The following EGLN1 variants were observed in gnomAD, a reference collection of about 807,000 sequenced individuals.
EGLN1 encodes egl-9 family hypoxia inducible factor 1.
A neutral mutation model predicts 38.3 loss-of-function variants in EGLN1; 17 were observed. That is an observed-to-expected ratio of 0.44 (90% confidence interval 0.30 to 0.67). EGLN1 has a LOEUF of 0.67. Ranked by LOEUF, EGLN1 falls within the 30% of genes least tolerant of loss-of-function variation. The pLI is 0.08. For missense variants in EGLN1, 477 were observed against 603.3 expected (o/e 0.79, Z 2.19); for synonymous variants, 283 against 257.5 (o/e 1.10, Z -0.95).
intron 1 of EGLN1, among the ~76,000 whole-genome samples, chr1:231,390,293 A>G (rs955876744): frequency 2.0e-5 from 3 of 152,164 alleles, no homozygotes; most frequent in Non-Finnish European, 4.4e-5. Context: ...ATCACTATCT[A>G]CCTCACAGGG....
rs970505475 is a variant in EGLN1 at position 231,393,921 on chromosome 1, A to G, written c.892-19822T>C. 5.0e-4 allele frequency among the ~76,000 whole-genome samples: 76 copies of G among 152,338 alleles called. 1 individual carries two copies. Among genetic ancestry groups the G allele is most frequent in the East Asian group, 1.5e-3 (8 of 5,186 alleles). Reference sequence around the variant, plus strand: ...CTAATCAGTCACAAAGCCCTGTTAAATATCTGCAGCCTGACAGGAAAGAAT... The same window carrying G: ...CTAATCAGTCACAAAGCCCTGTTAAGTATCTGCAGCCTGACAGGAAAGAAT... On this transcript the variant is annotated intron_variant, in intron 1 of 4. Coordinates refer to ENST00000366641, the MANE Select transcript of EGLN1 (RefSeq NM_022051.3).
intron 3 of EGLN1, among the ~76,000 whole-genome samples, chr1:231,369,066 G>A (rs1339377798): frequency 6.6e-6 from 1 of 152,040 alleles, no homozygotes; most frequent in Non-Finnish European, 1.5e-5. Context: ...TAACTTTCCA[G>A]CCTTATCACC....
chr1:231,393,356 G>A (rs961015885), intron 1 of EGLN1, among the ~76,000 whole-genome samples: 2 of 152,018 alleles, frequency 1.3e-5, no homozygotes, highest in Non-Finnish European at 2.9e-5. Flanking sequence ...TCAATCAAGA[G>A]CCAGAAGCTG....
At position 231,421,687 on chromosome 1, in the gene EGLN1, C is replaced by T; in HGVS notation, c.202G>A (p.Gly68Arg). 2 of 1,509,018 alleles carry T rather than the reference C, an allele frequency of 1.3e-6. No homozygotes were observed. The highest frequency in any genetic ancestry group is 1.8e-6 in the Non-Finnish European group (2 of 1,134,562). 93.5% of individuals were successfully genotyped at this position (1,509,018 alleles called of 1,614,324 possible). Residue 68 changes from glycine (G) to arginine (R), a missense_variant, in exon 1 of 5, where the codon GGA becomes AGA. Physicochemically the swap from Gly to Arg is moderately radical, Grantham distance 125 (BLOSUM62 -2). Transcript: ENST00000366641. The surrounding 1 kb of genome is among the most constrained non-coding windows in gnomAD (Gnocchi z 5.5). Reference protein sequence around the residue: ...CQGSEGALGHGVGPHQHSGPA... With the variant: ...CQGSEGALGHRVGPHQHSGPA... The stretch of plus-strand genomic sequence containing the variant: ...CCGGAATGCTGGTGTGGGCCCACTC[C>T]GTGGCCGAGGGCGCCCTCGCTGCCC...
At chr1:231,405,814 T>G (rs1688775137) in intron 1 of EGLN1, among the ~76,000 whole-genome samples, 1 of 152,068 alleles carries the variant, frequency 6.6e-6, no homozygotes, top group Non-Finnish European at 1.5e-5. Context: ...CAAAGCATAG[T>G]TCCTGAAAAT....
rs1687599387 is a variant in EGLN1, at chr1:231,364,878, G to A, written c.*1533C>T. On this transcript the variant is annotated 3_prime_UTR_variant, in exon 5 of 5. Coordinates refer to ENST00000366641, the MANE Select transcript of EGLN1 (RefSeq NM_022051.3). ...GTTTTGCTAAAAAGCCTAGGAAAGT[G>A]AAGTCTAAGACATCCGTCCCAATTC... The A allele has an allele frequency of 6.6e-6, 1 of 152,208 alleles. No homozygotes were observed. The highest frequency in any genetic ancestry group is 1.5e-5 in the Non-Finnish European group (1 of 68,036). The allele number at this position is 152,208 out of a possible 1,614,324, so 9.4% of individuals were successfully genotyped here. A position where few individuals can be genotyped will look rare whatever the true frequency, so the allele number is the denominator to read the frequency against.
At chr1:231,393,693 T>C (rs1431097276) in intron 1 of EGLN1, among the ~76,000 whole-genome samples, 1 of 152,146 alleles carries the variant, frequency 6.6e-6, no homozygotes, top group Non-Finnish European at 1.5e-5. Flanking sequence ...TTTACCTACA[T>C]ACTCTCCTAT....
At chr1:231,371,264 T>A (rs1687815401) in intron 2 of EGLN1, among the ~76,000 whole-genome samples, 1 of 152,238 alleles carries the variant, frequency 6.6e-6, no homozygotes, top group Non-Finnish European at 1.5e-5. Flanking sequence ...AAATGATGCT[T>A]GAAAGCTTTT....
chr1:231,391,309 T>TGCTTCTG (rs1169023749), intron 1 of EGLN1, among the ~76,000 whole-genome samples: 5 of 152,170 alleles, frequency 3.3e-5, no homozygotes, highest in Middle Eastern at 6.8e-3. Context: ...GCTCTAAGAC[T>TGCTTCTG]ATACATCCAT....
chr1:231,419,005 T>C (rs956531398), intron 1 of EGLN1, among the ~76,000 whole-genome samples: 5 of 152,242 alleles, frequency 3.3e-5, no homozygotes, highest in African/African-American at 4.8e-5. Context: ...CCTTGTTTTT[T>C]AGGAATAAAT....
intron 1 of EGLN1, among the ~76,000 whole-genome samples, chr1:231,419,981 G>C (rs1397834476): frequency 6.6e-6 from 1 of 152,186 alleles, no homozygotes; most frequent in East Asian, 1.9e-4. Context: ...GTGGAGGAGG[G>C]TGGCCTGGGA....
Position 231,421,691 on chromosome 1 carries a change from G to A in EGLN1, c.198C>T (p.Gly66=). The change falls in exon 1 of 5, where the codon GGC becomes GGT. Residue 66 remains glycine, a synonymous_variant. Coordinates refer to ENST00000366641, the MANE Select transcript of EGLN1 (RefSeq NM_022051.3). The surrounding 1 kb of genome is among the most constrained non-coding windows in gnomAD (Gnocchi z 5.5). ...AATGCTGGTGTGGGCCCACTCCGTG[G>A]CCGAGGGCGCCCTCGCTGCCCTGGC... The part of the protein sequence containing the change: ...LVCQGSEGAL[G]HGVGPHQHSG... The A allele has an allele frequency of 6.6e-7, 1 of 1,510,454 alleles. No homozygotes were observed. The highest frequency in any genetic ancestry group is 8.8e-7 in the Non-Finnish European group (1 of 1,135,278). 93.6% of individuals were successfully genotyped at this position (1,510,454 alleles called of 1,614,324 possible). A position where few individuals can be genotyped will look rare whatever the true frequency, so the allele number is the denominator to read the frequency against.
At chr1:231,405,021 G>C (rs1688751408) in intron 1 of EGLN1, among the ~76,000 whole-genome samples, 1 of 152,030 alleles carries the variant, frequency 6.6e-6, no homozygotes, top group Admixed American at 6.5e-5. Context: ...TGACATCCCA[G>C]TAAAACCAAG....
chr1:231,422,208 G>C lies in EGLN1; in HGVS notation c.-320C>G. On this transcript the variant is annotated 5_prime_UTR_variant, in exon 1 of 5. Transcript: ENST00000366641. ...GAGCGCAAGACCGGCCCCCTCGGCC[G>C]CCGCCGCCGCCTCAGCGTCCCGGGC... 5.2e-6 allele frequency: 1 copy of C among 193,570 alleles called. No homozygotes were observed. The highest frequency in any genetic ancestry group is 1.0e-5 in the Non-Finnish European group (1 of 96,476). 12.0% of individuals were successfully genotyped at this position (193,570 alleles called of 1,614,324 possible).
At chr1:231,397,977 C>T (rs1489616177) in intron 1 of EGLN1, among the ~76,000 whole-genome samples, 1 of 152,172 alleles carries the variant, frequency 6.6e-6, no homozygotes, top group African/African-American at 2.4e-5. Context: ...CCCCAAAGAA[C>T]CACAGTATAT....
At chr1:231,370,785 G>A (rs1687801522) in intron 2 of EGLN1, 87 bp from the exon 3 acceptor site, 1 of 1,428,474 alleles carries the variant, frequency 7.0e-7, no homozygotes, top group South Asian at 1.2e-5. Context: ...CAATTTCAAT[G>A]TCTTAATTGG....
intron 1 of EGLN1, among the ~76,000 whole-genome samples, chr1:231,417,957 T>C (rs1443524944): frequency 6.6e-6 from 1 of 152,200 alleles, no homozygotes; most frequent in Non-Finnish European, 1.5e-5. Context: ...TGCTGCAGAA[T>C]TTCCAACAAG....
intron 1 of EGLN1, among the ~76,000 whole-genome samples, chr1:231,406,339 C>T (rs1268505190): frequency 6.6e-6 from 1 of 152,044 alleles, no homozygotes; most frequent in Non-Finnish European, 1.5e-5. Context: ...TAAAGACTCT[C>T]AGTCTTTTAT....
chr1:231,404,351 G>GGGGGT (rs1278807758), intron 1 of EGLN1, among the ~76,000 whole-genome samples: 1 of 152,064 alleles, frequency 6.6e-6, no homozygotes, highest in African/African-American at 2.4e-5. Context: ...ATTTTAGGAG[G>GGGGGT]AAAATAAATA....
Sources: allele counts gnomAD v4.1 joint callset (sites outside exome capture counted in the v4.1 genomes callset), GRCh38; gene constraint gnomAD v4.1.1; non-coding constraint Gnocchi (gnomAD v3.1); transcripts MANE v1.5; gene names NCBI Gene and HGNC (gene_info 2026-07-23, HGNC 2026-07-21).